TBX6: variants seen among roughly 807,000 people sequenced by gnomAD.
The protein encoded by TBX6 is T-box transcription factor 6, also known as T-box transcription factor TBX6.
Under a neutral mutation model 42.3 loss-of-function variants are expected in TBX6, and 29 were observed. The observed-to-expected ratio is 0.69, with a 90% confidence interval of 0.51 to 0.93. The LOEUF (loss-of-function observed/expected upper bound fraction) is 0.93. Ranked by LOEUF, TBX6 falls within the 40% of genes least tolerant of loss-of-function variation. The pLI, the probability that TBX6 is intolerant of heterozygous loss-of-function variation, is 0.00. For missense variants in TBX6, 569 were observed against 603.3 expected (o/e 0.94, Z 0.59); for synonymous variants, 249 against 245.1 (o/e 1.02, Z -0.15).
chr16:30,090,594 T>G (rs2072705946), intron 3 of TBX6, among the ~76,000 whole-genome samples, 164 bp downstream of exon 3: 1 of 152,178 alleles, frequency 6.6e-6, no homozygotes, highest in African/African-American at 2.4e-5. Flanking sequence ...GAGTGACTCC[T>G]GATTCCTGCC....
At chr16:30,089,389 C>T (rs967948724) in intron 3 of TBX6, among the ~76,000 whole-genome samples, 179 bp from the exon 4 acceptor site, 25 of 152,180 alleles carry the variant, frequency 1.6e-4, no homozygotes, top group Non-Finnish European at 3.4e-4. Flanking sequence ...AATCCCTATA[C>T]TTTGGGAGGC....
rs534719071 is a variant in TBX6, at chr16:30,086,991, A to T, written c.840-140T>A. The T allele has an allele frequency of 1.8e-5, 17 of 927,476 alleles. No homozygotes were observed. In the East Asian group the frequency reaches 4.0e-4, roughly 22 times the overall value. The allele number at this position is 927,476 out of a possible 1,614,324, so 57.5% of individuals were successfully genotyped here. On this transcript the variant is annotated intron_variant, in intron 6 of 8. Transcript: ENST00000395224. The surrounding 1 kb of genome is among the most constrained non-coding windows in gnomAD (Gnocchi z 4.6). Reference sequence around the variant, plus strand: ...ATCATTATACCCATTTTATAGATGAAGAAACTGAAGGCCAGAAAATTAAAT... The same window carrying T: ...ATCATTATACCCATTTTATAGATGATGAAACTGAAGGCCAGAAAATTAAAT...
At position 30,086,528 on chromosome 16, in the gene TBX6, TG is replaced by T. The variant is rs2072632992; in HGVS notation, c.1080del (p.Ser361ValfsTer137). ...CCCACTCACCTGGTGGGAAGGTGAC[TG>T]GGGGCCCCATGGAAAGCCGCAGGGT... ...LLHPAAFHGA[P>X]SHLPTRSPSF... On this transcript the variant is annotated frameshift_variant, in exon 8 of 9. Transcript: ENST00000395224. LOFTEE classifies it high-confidence loss of function. This position sits in a 1 kb window ranked among gnomAD's most constrained non-coding sequence, Gnocchi z 4.6. 2.0e-6 allele frequency: 3 copies of T among 1,513,010 alleles called. No homozygotes were observed. The highest frequency in any genetic ancestry group is 1.8e-6 in the Non-Finnish European group (2 of 1,133,966). 93.7% of individuals were successfully genotyped at this position (1,513,010 alleles called of 1,614,324 possible). A position where few individuals can be genotyped will look rare whatever the true frequency, so the allele number is the denominator to read the frequency against.
chr16:30,086,470 C>T lies in TBX6; in HGVS notation c.1098-32G>A. On this transcript the variant is annotated intron_variant, in intron 8 of 8. Coordinates refer to ENST00000395224, the MANE Select transcript of TBX6 (RefSeq NM_004608.4). The surrounding 1 kb of genome is among the most constrained non-coding windows in gnomAD (Gnocchi z 4.6). ...TGGAGAGAGGGATGTCAGAGCAGGG[C>T]AGAGGGACCCGCAGCCCCGCCTGGT... 3 of 1,488,814 alleles carry T rather than the reference C, an allele frequency of 2.0e-6. No homozygotes were observed. Among genetic ancestry groups the T allele is most frequent in the Non-Finnish European group, 2.7e-6 (3 of 1,123,148 alleles). The allele number at this position is 1,488,814 out of a possible 1,614,324, so 92.2% of individuals were successfully genotyped here.
At position 30,086,396 on chromosome 16, in the gene TBX6, G is replaced by A; in HGVS notation, c.1140C>T (p.Ala380=). Residue 380 remains alanine, a synonymous_variant, in exon 9 of 9, where the codon GCC becomes GCT. Coordinates refer to ENST00000395224, the MANE Select transcript of TBX6 (RefSeq NM_004608.4). The surrounding 1 kb of genome is among the most constrained non-coding windows in gnomAD (Gnocchi z 4.6). ...FPEAPDSGRS[A]PYSAAFLELP... ...GCTCCAGAAATGCAGCCGAGTAGGGGGCTGAGCGCCCGGAGTCTGGAGCCT... is the reference window on the plus strand; with the variant it reads ...GCTCCAGAAATGCAGCCGAGTAGGGAGCTGAGCGCCCGGAGTCTGGAGCCT... 1 of 1,558,960 alleles carries A rather than the reference G, an allele frequency of 6.4e-7. No homozygotes were observed. The highest frequency in any genetic ancestry group is 8.6e-7 in the Non-Finnish European group (1 of 1,160,348).
Position 30,091,224 on chromosome 16 carries a change from T to G in TBX6, c.-31A>C. The G allele has an allele frequency of 6.7e-7, 1 of 1,502,348 alleles. No individual in the cohort carries two copies. The highest frequency in any genetic ancestry group is 8.9e-7 in the Non-Finnish European group (1 of 1,119,868). The allele number at this position is 1,502,348 out of a possible 1,614,324, so 93.1% of individuals were successfully genotyped here. ...AGTTCCGTCTGGCCTCAGGTCTCGC[T>G]GCTTAGGGCCCCCGGTGCTGCGAGA... On this transcript the variant is annotated 5_prime_UTR_variant, in exon 2 of 9. Coordinates refer to ENST00000395224, the MANE Select transcript of TBX6 (RefSeq NM_004608.4).
chr16:30,088,918 C>T lies in TBX6; in HGVS notation c.621+25G>A, dbSNP rs751959637. 2.5e-6 allele frequency: 4 copies of T among 1,603,200 alleles called. No individual in the cohort carries two copies. Among genetic ancestry groups the T allele is most frequent in the Non-Finnish European group, 3.4e-6 (4 of 1,172,004 alleles). On this transcript the variant is annotated intron_variant, in intron 4 of 8. Transcript: ENST00000395224. The surrounding 1 kb of genome is among the most constrained non-coding windows in gnomAD (Gnocchi z 4.1). ...CCCTTCCAGCACCCCCCAACCCTAT[C>T]CTGGAGTCCCAGCCTGGGCCTCACG...
rs2072667180 is a variant in TBX6 at position 30,088,067 on chromosome 16, T to C, written c.839+478A>G. On this transcript the variant is annotated intron_variant, in intron 6 of 8. Transcript: ENST00000395224. The surrounding 1 kb of genome is among the most constrained non-coding windows in gnomAD (Gnocchi z 4.1). The stretch of plus-strand genomic sequence containing the variant: ...GATTCTCCTGCCTCAGCCTCCCAAG[T>C]AGTTGGGATTACAGGCGTTTGCCAC... 5.1e-6 allele frequency: 1 copy of C among 195,924 alleles called. No individual in the cohort carries two copies. The highest frequency in any genetic ancestry group is 2.4e-5 in the African/African-American group (1 of 41,934). The allele number at this position is 195,924 out of a possible 1,614,324, so 12.1% of individuals were successfully genotyped here. A position where few individuals can be genotyped will look rare whatever the true frequency, so the allele number is the denominator to read the frequency against.
Position 30,086,731 on chromosome 16 carries a change from G to A in TBX6, c.914-36C>T. ...GGAAGGGAGAGGTTGGGCTAGGGAG[G>A]ATCCCTGTCTCAGGCCTGGCCCCAT... On this transcript the variant is annotated intron_variant, in intron 7 of 8. Coordinates refer to ENST00000395224, the MANE Select transcript of TBX6 (RefSeq NM_004608.4). The surrounding 1 kb of genome is among the most constrained non-coding windows in gnomAD (Gnocchi z 4.6). 1 of 1,613,248 alleles carries A rather than the reference G, an allele frequency of 6.2e-7. No homozygotes were observed. The highest frequency in any genetic ancestry group is 8.5e-7 in the Non-Finnish European group (1 of 1,179,564).
At position 30,086,810 on chromosome 16, in the gene TBX6, T is replaced by C. The variant is rs752575865; in HGVS notation, c.881A>G (p.Glu294Gly). The C allele has an allele frequency of 6.2e-7, 1 of 1,613,816 alleles. No homozygotes were observed. The highest frequency in any genetic ancestry group is 8.5e-7 in the Non-Finnish European group (1 of 1,179,932). ...ARVKRKLRGP[E>G]PAATEAYGSG... ...CCCATAGGCCTCTGTGGCTGCTGGCTCTGGGCCCCGCAGTTTCCTCTTCAC... is the reference window on the plus strand; with the variant it reads ...CCCATAGGCCTCTGTGGCTGCTGGCCCTGGGCCCCGCAGTTTCCTCTTCAC... Residue 294 changes from glutamate to glycine, a missense_variant, in exon 7 of 9, where the codon GAG becomes GGG. Coordinates refer to ENST00000395224, the MANE Select transcript of TBX6 (RefSeq NM_004608.4). The surrounding 1 kb of genome is among the most constrained non-coding windows in gnomAD (Gnocchi z 4.6).
intron 3 of TBX6, 65 bp downstream of exon 3, chr16:30,090,693 C>T (rs1285945251): frequency 4.0e-6 from 6 of 1,512,672 alleles, no homozygotes; most frequent in African/African-American, 2.8e-5. Flanking sequence ...CTAGCCCCCT[C>T]CCCAGGGACT....
At position 30,088,392 on chromosome 16, in the gene TBX6, A is replaced by G. The variant is rs747492759; in HGVS notation, c.839+153T>C. 538 of 1,078,478 alleles carry G rather than the reference A, an allele frequency of 5.0e-4. 2 individuals are homozygous for G. Among genetic ancestry groups the G allele is most frequent in the South Asian group, 8.2e-4 (59 of 71,998 alleles). The allele number at this position is 1,078,478 out of a possible 1,614,324, so 66.8% of individuals were successfully genotyped here. A position where few individuals can be genotyped will look rare whatever the true frequency, so the allele number is the denominator to read the frequency against. On this transcript the variant is annotated intron_variant, in intron 6 of 8. Coordinates refer to ENST00000395224, the MANE Select transcript of TBX6 (RefSeq NM_004608.4). The surrounding 1 kb of genome is among the most constrained non-coding windows in gnomAD (Gnocchi z 4.1). ...TCCAGTGCCTGGAACTGTCCCTGGC[A>G]CATAGCAGGTACTATATAAGTATTT...
chr16:30,090,919 T>A lies in TBX6; in HGVS notation c.192A>T (p.Pro64=), dbSNP rs749944363. ...TGGCAGGGGGCAGAAGGGGCAGAGG[T>A]GGGTGCGCGGCCAGGGTGCGGGGAG... ...EAAPRTLAAH[P]PLPLLPPAMG... The change falls in exon 3 of 9, where the codon CCA becomes CCT. Residue 64 remains proline (P), a synonymous_variant. Transcript: ENST00000395224. The A allele has an allele frequency of 6.2e-7, 1 of 1,611,748 alleles. No individual in the cohort carries two copies. Among genetic ancestry groups the A allele is most frequent in the Non-Finnish European group, 8.5e-7 (1 of 1,179,178 alleles).
intron 3 of TBX6, among the ~76,000 whole-genome samples, chr16:30,090,536 C>T (rs2072704899): frequency 6.6e-6 from 1 of 152,108 alleles, no homozygotes; most frequent in South Asian, 2.1e-4. Context: ...AGATTGGTCC[C>T]TAAACTCAGC....
chr16:30,086,508 T>A lies in TBX6; in HGVS notation c.1097+4A>T. The A allele has an allele frequency of 6.7e-7, 1 of 1,498,928 alleles. No homozygotes were observed. 92.9% of individuals were successfully genotyped at this position (1,498,928 alleles called of 1,614,324 possible). ...AGCCCCGCCTGGTCCCCTGTCCCAC[T>A]CACCTGGTGGGAAGGTGACTGGGGG... is the stretch of plus-strand genomic sequence containing the variant. On this transcript the variant is annotated splice_donor_region_variant and intron_variant, in intron 8 of 8. Transcript: ENST00000395224. This position sits in a 1 kb window ranked among gnomAD's most constrained non-coding sequence, Gnocchi z 4.6.
Position 30,086,600 on chromosome 16 carries a change from G to T in TBX6, c.1009C>A (p.Pro337Thr). The change falls in exon 8 of 9, where the codon CCG becomes ACG. Residue 337 changes from proline to threonine, a missense_variant. Transcript: ENST00000395224. This position sits in a 1 kb window ranked among gnomAD's most constrained non-coding sequence, Gnocchi z 4.6. ...CTGGGGCCACCACACAGAGGTGCCG[G>T]GGCAGCGGTGGCTTCCCCGGGGGCT... ...APAPGEATAA[P>T]APLCGGPSAE... is the part of the protein sequence containing the mutation. The T allele has an allele frequency of 6.3e-7, 1 of 1,581,828 alleles. No homozygotes were observed. The highest frequency in any genetic ancestry group is 2.0e-5 in the Admixed American group (1 of 51,040).
intron 3 of TBX6, among the ~76,000 whole-genome samples, chr16:30,089,578 T>C (rs2072692270): frequency 1.3e-5 from 2 of 151,824 alleles, no homozygotes; most frequent in South Asian, 4.2e-4. Context: ...AAGACTACAG[T>C]GAGCCACAAT....
At chr16:30,091,478 T>A (rs928002953) in intron 1 of TBX6, 1 of 344,812 alleles carries the variant, frequency 2.9e-6, no homozygotes, top group Non-Finnish European at 5.3e-6. Flanking sequence ...CTCCTCGGCT[T>A]GATTGATCCC....
At position 30,086,558 on chromosome 16, in the gene TBX6, G is replaced by T; in HGVS notation, c.1051C>A (p.Leu351Met). Residue 351 changes from leucine (L) to methionine (M), a missense_variant, in exon 8 of 9, where the codon CTG becomes ATG. Leu to Met is a conservative substitution (Grantham distance 15). Around this residue, in one of 3 missense-constraint regions of TBX6, gnomAD observed 245 missense variants for 227.4 expected, o/e 1.08. Coordinates refer to ENST00000395224, the MANE Select transcript of TBX6 (RefSeq NM_004608.4). The surrounding 1 kb of genome is among the most constrained non-coding windows in gnomAD (Gnocchi z 4.6). The stretch of plus-strand genomic sequence containing the variant: ...GCCCCATGGAAAGCCGCAGGGTGCA[G>T]GAGGTAGGCCTCAGCACTGGGGCCA... ...CGGPSAEAYL[L>M]HPAAFHGAPS... The T allele has an allele frequency of 6.5e-7, 1 of 1,537,406 alleles. No individual in the cohort carries two copies. Among genetic ancestry groups the T allele is most frequent in the East Asian group, 2.4e-5 (1 of 41,906 alleles).
Sources: gnomAD v4.1 joint callset for allele counts (sites outside exome capture counted in the v4.1 genomes callset) on GRCh38, gnomAD v4.1.1 for gene constraint, gnomAD v4.1.1 regional missense constraint, Gnocchi (gnomAD v3.1) non-coding constraint, MANE v1.5 for transcripts, NCBI Gene and HGNC (gene_info 2026-07-23, HGNC 2026-07-21) for gene names.